The following ZMPSTE24 variants were observed in gnomAD, a reference collection of about 807,000 sequenced individuals.
ZMPSTE24 encodes zinc metallopeptidase STE24.
In ZMPSTE24, 48 loss-of-function variants were observed where a neutral mutation model predicts 56.7. The ratio of observed to expected loss-of-function variants is 0.85; its 90% CI spans 0.67 to 1.08. ZMPSTE24 has a LOEUF of 1.08. Among genes scored for constraint, ZMPSTE24 ranks in the 50% least tolerant of loss-of-function variants. The probability of loss-of-function intolerance (pLI) is 0.00; values close to 1 mark genes in which losing one functional copy is unlikely to be tolerated. For missense variants in ZMPSTE24, 503 were observed against 548.7 expected, an observed-to-expected ratio of 0.92 and a Z score of 0.83; for synonymous variants, 172 against 195.2, an observed-to-expected ratio of 0.88 and a Z score of 0.99.
intron 6 of ZMPSTE24, among the ~76,000 whole-genome samples, chr1:40,278,557 CAAAAAAAAAAA>C (rs397979953): frequency 3.7e-3 from 72 of 19,556 alleles, no homozygotes; most frequent in Non-Finnish European, 5.3e-3. Flanking sequence ...GACTCCGTCT[CAAAAAAAAAAA>C]AAAAAAAAAA....
chr1:40,291,142 C>T (rs545742278), intron 9 of ZMPSTE24, 145 bp downstream of exon 9: 5 of 1,110,276 alleles, frequency 4.5e-6, no homozygotes, highest in Non-Finnish European at 6.3e-6. Flanking sequence ...ATTCACTGGT[C>T]AGTATGACAA....
intron 6 of ZMPSTE24, among the ~76,000 whole-genome samples, chr1:40,272,332 T>C (rs925265132): frequency 2.0e-5 from 3 of 152,228 alleles, no homozygotes; most frequent in African/African-American, 7.2e-5. Context: ...CTCTCTGTTA[T>C]GTTATCTTAT....
chr1:40,273,516 T>TAAAAAAAAAAAAAAA (rs1205861105), intron 6 of ZMPSTE24, among the ~76,000 whole-genome samples: 2 of 10,584 alleles, frequency 1.9e-4, no homozygotes, highest in Admixed American at 1.8e-3. Context: ...AAATTCTGTC[T>TAAAAAAAAAAAAAAA]AAAAAAAAAA....
intron 5 of ZMPSTE24, 95 bp from the exon 6 acceptor site, chr1:40,271,799 C>T: frequency 1.4e-6 from 2 of 1,402,122 alleles, no homozygotes; most frequent in Non-Finnish European, 1.9e-6. Context: ...AGTTTGAGGT[C>T]AACATAGTTG....
At chr1:40,263,387 A>G (rs1002162747) in intron 2 of ZMPSTE24, among the ~76,000 whole-genome samples, 1 of 152,230 alleles carries the variant, frequency 6.6e-6, no homozygotes, top group African/African-American at 2.4e-5. Flanking sequence ...CTTCTTATGA[A>G]TGAGGAAGCA....
intron 2 of ZMPSTE24, among the ~76,000 whole-genome samples, chr1:40,266,773 T>G (rs1453982587): frequency 1.4e-5 from 2 of 143,156 alleles, no homozygotes; most frequent in Admixed American, 6.9e-5. Flanking sequence ...TTTTTTTTTT[T>G]TTTTTTTTTT....
chr1:40,262,826 T>C, intron 2 of ZMPSTE24: 1 of 1,179,008 alleles, frequency 8.5e-7, no homozygotes. Context: ...CCCCTTCTGT[T>C]TCACCAGTTC....
At chr1:40,274,239 T>A (rs1344632887) in intron 6 of ZMPSTE24, among the ~76,000 whole-genome samples, 1 of 152,236 alleles carries the variant, frequency 6.6e-6, no homozygotes, top group Non-Finnish European at 1.5e-5. Context: ...AGCAGTTTAC[T>A]CACCTATAAT....
intron 5 of ZMPSTE24, among the ~76,000 whole-genome samples, chr1:40,271,640 G>A (rs1346839822): frequency 2.0e-5 from 3 of 152,126 alleles, no homozygotes; most frequent in Non-Finnish European, 4.4e-5. Flanking sequence ...ATCACTGTTA[G>A]TAGCATTATC....
intron 8 of ZMPSTE24, among the ~76,000 whole-genome samples, chr1:40,286,652 C>T (rs879381547): frequency 1.6e-4 from 24 of 151,656 alleles, no homozygotes; most frequent in Non-Finnish European, 2.8e-4. Context: ...AACTCCTGAC[C>T]TCAGGTAATG....
rs1643823138 is a variant in ZMPSTE24, at chr1:40,289,886, G to T, written c.1060-968G>T. On this transcript the variant is annotated intron_variant, in intron 8 of 9. Coordinates refer to ENST00000372759, the MANE Select transcript of ZMPSTE24 (RefSeq NM_005857.5). ...CCTCCGCTTCAAAGTCAGGTGGGAG[G>T]CGTTGTATCTGATTACAGTGTTATA... Among the ~76,000 whole-genome samples, 2 of 152,230 alleles carry T rather than the reference G, an allele frequency of 1.3e-5. 1 individual carries two copies. The highest frequency in any genetic ancestry group is 6.8e-3 in the Middle Eastern group (2 of 294).
intron 4 of ZMPSTE24, among the ~76,000 whole-genome samples, chr1:40,269,073 CAAAAAAA>C (rs60201234): frequency 2.8e-4 from 13 of 46,234 alleles, no homozygotes; most frequent in Admixed American, 6.4e-4. Context: ...GACTCCGTCT[CAAAAAAA>C]AAAAAAAAAA....
intron 2 of ZMPSTE24, among the ~76,000 whole-genome samples, chr1:40,264,106 G>T (rs773973220): frequency 1.3e-5 from 2 of 152,122 alleles, no homozygotes. Context: ...CCGAGGTGGG[G>T]GCGGATTACC....
chr1:40,260,711 ATT>A (rs1407044689), intron 1 of ZMPSTE24, 126 bp from the exon 2 acceptor site: 1 of 892,748 alleles, frequency 1.1e-6, no homozygotes, highest in Non-Finnish European at 1.7e-6. Context: ...CAAGTGCAAT[ATT>A]TGTGTAGGTA....
intron 4 of ZMPSTE24, 111 bp from the exon 5 acceptor site, chr1:40,269,864 T>C: frequency 2.4e-6 from 3 of 1,255,842 alleles, no homozygotes; most frequent in South Asian, 1.5e-5. Flanking sequence ...TTTCACTGCA[T>C]GTTAATTTTA....
intron 4 of ZMPSTE24, among the ~76,000 whole-genome samples, chr1:40,269,321 G>C (rs2124581643): frequency 6.6e-6 from 1 of 152,088 alleles, no homozygotes; most frequent in African/African-American, 2.4e-5. Context: ...CTTGAGCCCA[G>C]GAGGTTGAGG....
rs1447644413 is a variant in ZMPSTE24, at chr1:40,273,555, T to A, written c.769+1520T>A. Among the ~76,000 whole-genome samples, 217 of 107,774 alleles carry A rather than the reference T, an allele frequency of 2.0e-3. 6 individuals are homozygous for A. The highest frequency in any genetic ancestry group is 7.7e-3 in the African/African-American group (200 of 26,014). 70.7% of individuals were successfully genotyped at this position (107,774 alleles called of 152,430 possible). On this transcript the variant is annotated intron_variant, in intron 6 of 9. Transcript: ENST00000372759. ...AAAAAAAAATATATATATATATATA[T>A]ATATATATATATATGTCAGACATTT... is the stretch of plus-strand genomic sequence containing the variant.
chr1:40,264,048 T>C (rs1429172522), intron 2 of ZMPSTE24, among the ~76,000 whole-genome samples: 1 of 152,170 alleles, frequency 6.6e-6, no homozygotes, highest in Non-Finnish European at 1.5e-5. Context: ...AAATGAGAAG[T>C]GGGCTGGGTA....
At chr1:40,266,277 T>C (rs1469369801) in intron 2 of ZMPSTE24, among the ~76,000 whole-genome samples, 2 of 152,154 alleles carry the variant, frequency 1.3e-5, no homozygotes, top group Admixed American at 6.6e-5. Flanking sequence ...AGTGGGAATA[T>C]TGTGCTTCTA....
Sources: gnomAD v4.1 joint callset for allele counts (sites outside exome capture counted in the v4.1 genomes callset) on GRCh38, gnomAD v4.1.1 for gene constraint, MANE v1.5 for transcripts, NCBI Gene and HGNC (gene_info 2026-07-23, HGNC 2026-07-21) for gene names.